The following AGBL1 variants were observed in gnomAD, a reference collection of about 807,000 sequenced individuals.
AGBL1 encodes the protein cytosolic carboxypeptidase 4.
A neutral mutation model predicts 118.9 loss-of-function variants in AGBL1; 130 were observed. The ratio of observed to expected loss-of-function variants is 1.09; its 90% CI spans 0.95 to 1.26. The LOEUF is 1.26. Among genes scored for constraint, AGBL1 ranks in the 50% most tolerant of loss-of-function variants. The pLI is 0.00. For synonymous variants in AGBL1, 555 were observed against 478.9 expected (o/e 1.16, Z -2.08); for missense variants, 1,584 against 1,298.1 (o/e 1.22, Z -3.38).
intron 22 of AGBL1, among the ~76,000 whole-genome samples, chr15:86,706,458 C>G (rs2086451401): frequency 6.6e-6 from 1 of 152,068 alleles, no homozygotes; most frequent in Non-Finnish European, 1.5e-5. Context: ...TTGATTATAG[C>G]ACTTAATTAT....
intron 24 of AGBL1, among the ~76,000 whole-genome samples, chr15:87,025,168 T>C (rs919461103): frequency 2.6e-5 from 4 of 151,980 alleles, no homozygotes; most frequent in African/African-American, 4.8e-5. Context: ...GGCATCCAAA[T>C]TGGTAAAGAG....
chr15:86,633,525 G>T (rs550648252), intron 21 of AGBL1, among the ~76,000 whole-genome samples: 1 of 152,068 alleles, frequency 6.6e-6, no homozygotes, highest in Middle Eastern at 3.4e-3. Context: ...AATAAATACT[G>T]CTGAAAGAAT....
chr15:86,080,933 G>GTGTGT (rs199530885), intron 1 of AGBL1, among the ~76,000 whole-genome samples: 8 of 151,020 alleles, frequency 5.3e-5, no homozygotes, highest in South Asian at 2.4e-4. Flanking sequence ...ATGGGCTTGT[G>GTGTGT]GGGGCGGGGG....
rs558278583 is a variant in AGBL1 at position 86,499,218 on chromosome 15, CA to C, written c.2556-23590del. 5.9e-3 allele frequency among the ~76,000 whole-genome samples: 894 copies of C among 151,994 alleles called. 13 individuals carry two copies. The highest frequency in any genetic ancestry group is 0.02 in the African/African-American group (814 of 41,524). On this transcript the variant is annotated intron_variant, in intron 18 of 22. Transcript: ENST00000614907. ...CAATTATAACCACAAAGATACTTGA[CA>C]ACCAACAGTTATCAGCAAAGGGAAT...
chr15:86,963,933 A>G (rs2081019699), intron 23 of AGBL1, among the ~76,000 whole-genome samples: 1 of 151,694 alleles, frequency 6.6e-6, no homozygotes, highest in African/African-American at 2.4e-5. Flanking sequence ...ATTCAAGGGT[A>G]ATACATTGGC....
chr15:86,132,481 C>A (rs1353169625), intron 1 of AGBL1, among the ~76,000 whole-genome samples: 1 of 152,108 alleles, frequency 6.6e-6, no homozygotes, highest in Non-Finnish European at 1.5e-5. Context: ...GTTTAGAATC[C>A]TTTTAGAAAA....
In AGBL1 at chr15:86,364,384, G is replaced by A. The variant is rs1396730629; in HGVS notation, c.2375-32982G>A. On this transcript the variant is annotated intron_variant, in intron 17 of 22. Coordinates refer to ENST00000614907, the MANE Select transcript of AGBL1 (RefSeq NM_001386094.1). ...ATAGTTACATTAATTATGTGCTATA[G>A]TCAGAGAGTTAGTAAGCATTTGAGC... Among the ~76,000 whole-genome samples, 3 of 152,274 alleles carry A rather than the reference G, an allele frequency of 2.0e-5. No homozygotes were observed. The East Asian group carries it at 5.8e-4, about 29-fold the overall frequency.
intron 6 of AGBL1, among the ~76,000 whole-genome samples, chr15:86,231,451 T>G (rs570976231): frequency 4.6e-5 from 7 of 152,378 alleles, no homozygotes; most frequent in Non-Finnish European, 1.0e-4. Flanking sequence ...ATTTCTGTGA[T>G]GAGCCAAAAA....
chr15:86,987,386 TA>T (rs1284282641), intron 23 of AGBL1, among the ~76,000 whole-genome samples: 1 of 152,244 alleles, frequency 6.6e-6, no homozygotes, highest in African/African-American at 2.4e-5. Flanking sequence ...TAAAAACTTC[TA>T]AAAACCTTTT....
intron 5 of AGBL1, among the ~76,000 whole-genome samples, chr15:86,193,903 AG>A (rs1291892263): frequency 6.6e-6 from 1 of 152,234 alleles, no homozygotes; most frequent in Non-Finnish European, 1.5e-5. Flanking sequence ...CTCTCTGGCA[AG>A]CCCATCAGGC....
intron 21 of AGBL1, among the ~76,000 whole-genome samples, chr15:86,657,290 C>T (rs1050865595): frequency 6.6e-6 from 1 of 152,108 alleles, no homozygotes; most frequent in African/African-American, 2.4e-5. Flanking sequence ...TTGCCAGCCC[C>T]GGTAAGAGCT....
chr15:86,438,980 T>C (rs1469375978), intron 18 of AGBL1, among the ~76,000 whole-genome samples: 1 of 152,096 alleles, frequency 6.6e-6, no homozygotes, highest in Non-Finnish European at 1.5e-5. Context: ...GTATTTTATC[T>C]GGCATCTCTC....
intron 21 of AGBL1, among the ~76,000 whole-genome samples, chr15:86,587,553 G>T (rs1488891366): frequency 4.6e-5 from 7 of 152,180 alleles, no homozygotes; most frequent in Non-Finnish European, 8.8e-5. Context: ...GTTCGTGGAA[G>T]AAGGAGCAGT....
intron 21 of AGBL1, among the ~76,000 whole-genome samples, chr15:86,651,461 T>C (rs2085368350): frequency 6.6e-6 from 1 of 152,324 alleles, no homozygotes; most frequent in South Asian, 2.1e-4. Flanking sequence ...TGGCTTTCCT[T>C]GCTGTGTGAA....
intron 21 of AGBL1, among the ~76,000 whole-genome samples, chr15:86,591,689 A>C (rs1567073972): frequency 6.6e-6 from 1 of 152,212 alleles, no homozygotes; most frequent in Non-Finnish European, 1.5e-5. Flanking sequence ...CCAGATGTTC[A>C]GCTATCTAGA....
chr15:86,726,415 G>A (rs1362053467), intron 22 of AGBL1, among the ~76,000 whole-genome samples: 1 of 152,208 alleles, frequency 6.6e-6, no homozygotes, highest in African/African-American at 2.4e-5. Flanking sequence ...AACTTGAGTT[G>A]TGTGAACTCA....
At chr15:86,715,614 A>G (rs2086625913) in intron 22 of AGBL1, among the ~76,000 whole-genome samples, 1 of 152,184 alleles carries the variant, frequency 6.6e-6, no homozygotes, top group Non-Finnish European at 1.5e-5. Flanking sequence ...TTTTTGAGGA[A>G]GAAGATAGCT....
chr15:86,829,545 A>G (rs1319982692), intron 22 of AGBL1, among the ~76,000 whole-genome samples: 1 of 152,132 alleles, frequency 6.6e-6, no homozygotes, highest in African/African-American at 2.4e-5. Context: ...GAAGAGAACC[A>G]CTTGCCATTT....
At chr15:86,324,134 A>G (rs2141848786) in intron 17 of AGBL1, among the ~76,000 whole-genome samples, 1 of 152,352 alleles carries the variant, frequency 6.6e-6, no homozygotes, top group South Asian at 2.1e-4. Flanking sequence ...GCACTGGGCT[A>G]GATACTAGGG....
Sources: gnomAD v4.1 joint callset for allele counts (sites outside exome capture counted in the v4.1 genomes callset) on GRCh38, gnomAD v4.1.1 for gene constraint, MANE v1.5 for transcripts, NCBI Gene and HGNC (gene_info 2026-07-23, HGNC 2026-07-21) for gene names.